The following KCNS3 variants were observed in gnomAD, a reference collection of about 807,000 sequenced individuals.
KCNS3 encodes potassium voltage-gated channel modifier subfamily S member 3.
Under a neutral mutation model 31.0 loss-of-function variants are expected in KCNS3, and 13 were observed. The observed-to-expected ratio is 0.42, with a 90% CI of 0.27 to 0.67. KCNS3 has a LOEUF of 0.67. Among genes scored for constraint, KCNS3 ranks in the 30% least tolerant of loss-of-function variants. The pLI, the probability that KCNS3 is intolerant of heterozygous loss-of-function variation, is 0.25. For synonymous variants in KCNS3, 238 were observed against 241.5 expected, an observed-to-expected ratio of 0.99 and a Z score of 0.13; for missense variants, 545 against 622.4, an observed-to-expected ratio of 0.88 and a Z score of 1.32.
chr2:17,879,916 G>C (rs1199879812), intron 1 of KCNS3, among the ~76,000 whole-genome samples: 1 of 152,140 alleles, frequency 6.6e-6, no homozygotes, highest in Non-Finnish European at 1.5e-5. Context: ...CGTTCCTGCC[G>C]GAGAGTAGCT....
In KCNS3 at chr2:17,917,885, T is replaced by C. The variant is rs557486496; in HGVS notation, c.-60+14T>C. 1.3e-4 allele frequency: 20 copies of C among 152,678 alleles called. No homozygotes were observed. The highest frequency in any genetic ancestry group is 2.6e-4 in the Non-Finnish European group (18 of 68,062). The allele number at this position is 152,678 out of a possible 1,614,324, so 9.5% of individuals were successfully genotyped here. ...TCCACCTCAAGGGTAAGAGTTGCCA[T>C]TCTATCTTATTTTCTCAAGCACCCA... On this transcript the variant is annotated intron_variant, in intron 2 of 2. Transcript: ENST00000304101.
chr2:17,888,637 A>ATCTATCTATC (rs1558446968), intron 1 of KCNS3, among the ~76,000 whole-genome samples: 2 of 70,748 alleles, frequency 2.8e-5, no homozygotes, highest in East Asian at 2.7e-4. Context: ...ATGTATATAT[A>ATCTATCTATC]TATATATATA....
intron 1 of KCNS3, among the ~76,000 whole-genome samples, chr2:17,883,412 G>A (rs1266576260): frequency 6.7e-6 from 1 of 148,420 alleles, no homozygotes; most frequent in East Asian, 2.0e-4. Context: ...GGGGTGGGGT[G>A]GGGTGAGAAG....
At chr2:17,922,256 TATCAGCCATTGATTATCATTGCCTAG>T (rs1467561629) in intron 2 of KCNS3, among the ~76,000 whole-genome samples, 3 of 152,030 alleles carry the variant, frequency 2.0e-5, no homozygotes, top group Non-Finnish European at 4.4e-5. Flanking sequence ...ATCCGGATTT[TATCAGCCATTGATTATCATTGCCTAG>T]ATCTATTATT....
Position 17,931,590 on chromosome 2 carries a change from G to A in KCNS3, c.582G>A (p.Val194=). 2 of 1,614,178 alleles carry A rather than the reference G, an allele frequency of 1.2e-6. No individual in the cohort carries two copies. Among genetic ancestry groups the A allele is most frequent in the Non-Finnish European group, 1.7e-6 (2 of 1,180,022 alleles). Residue 194 remains valine, a synonymous_variant, in exon 3 of 3, where the codon GTG becomes GTA. Coordinates refer to ENST00000304101, the MANE Select transcript of KCNS3 (RefSeq NM_002252.5). This position sits in a 1 kb window ranked among gnomAD's most constrained non-coding sequence, Gnocchi z 5.4. ...TTATCGCTATCTCCTCCTTGAGCGT[G>A]GTGCTGGCCTCCATCGTGGCCATGT... is the stretch of plus-strand genomic sequence containing the variant. ...AKLIAISSLS[V]VLASIVAMCV...
chr2:17,911,155 G>A (rs1019353331), intron 1 of KCNS3, among the ~76,000 whole-genome samples: 15 of 152,062 alleles, frequency 9.9e-5, no homozygotes, highest in African/African-American at 3.1e-4. Flanking sequence ...CCTCAATACC[G>A]TCTCTGTACC....
At chr2:17,891,309 A>G (rs908166974) in intron 1 of KCNS3, among the ~76,000 whole-genome samples, 1 of 152,208 alleles carries the variant, frequency 6.6e-6, no homozygotes, top group Non-Finnish European at 1.5e-5. Context: ...CTTATGTGTT[A>G]GGTGAGTCTC....
intron 1 of KCNS3, among the ~76,000 whole-genome samples, chr2:17,900,540 A>G (rs1406739934): frequency 6.6e-6 from 1 of 152,014 alleles, no homozygotes; most frequent in Non-Finnish European, 1.5e-5. Context: ...CCCAGGCTGG[A>G]GTGCAGTGAC....
chr2:17,918,675 G>C (rs1235775682), intron 2 of KCNS3, among the ~76,000 whole-genome samples: 2 of 152,196 alleles, frequency 1.3e-5, no homozygotes, highest in African/African-American at 4.8e-5. Flanking sequence ...AGCATAAGGG[G>C]CTATAGCTGT....
chr2:17,931,357 T>C lies in KCNS3; in HGVS notation c.349T>C (p.Cys117Arg). 6.2e-7 allele frequency: 1 copy of C among 1,614,168 alleles called. No individual in the cohort carries two copies. Among genetic ancestry groups the C allele is most frequent in the Non-Finnish European group, 8.5e-7 (1 of 1,180,026 alleles). The change falls in exon 3 of 3, where the codon TGC becomes CGC. Residue 117 changes from cysteine to arginine, a missense_variant. By Grantham distance (180) the Cys-to-Arg change is radical (BLOSUM62 -3). Transcript: ENST00000304101. This position sits in a 1 kb window ranked among gnomAD's most constrained non-coding sequence, Gnocchi z 5.4. Reference sequence around the variant, plus strand: ...CAACGAGCTCTTCATTGATTCTTGCTGCAGCAATCGCTACCAGGAACGCAA... The same window carrying C: ...CAACGAGCTCTTCATTGATTCTTGCCGCAGCAATCGCTACCAGGAACGCAA... ...GINELFIDSC[C>R]SNRYQERKEE...
chr2:17,903,744 G>A (rs984878561), intron 1 of KCNS3, among the ~76,000 whole-genome samples: 10 of 152,090 alleles, frequency 6.6e-5, no homozygotes, highest in African/African-American at 2.4e-4. Flanking sequence ...TGCTGAGAAT[G>A]ATGGTTTCCA....
chr2:17,924,961 A>G (rs1176055169), intron 2 of KCNS3, among the ~76,000 whole-genome samples: 2 of 152,262 alleles, frequency 1.3e-5, no homozygotes, highest in African/African-American at 4.8e-5. Context: ...CTATCTGTAC[A>G]TGAGCTTTCC....
chr2:17,887,484 GATCTATCTATCTATCTATCT>G (rs55654719), intron 1 of KCNS3, among the ~76,000 whole-genome samples: 1 of 146,242 alleles, frequency 6.8e-6, no homozygotes, highest in Non-Finnish European at 1.5e-5. Context: ...TCTATCATAT[GATCTATCTATCTATCTATCT>G]ATCTATCTAT....
intron 2 of KCNS3, among the ~76,000 whole-genome samples, chr2:17,918,814 G>A (rs1046433448): frequency 2.0e-5 from 3 of 152,202 alleles, no homozygotes; most frequent in East Asian, 3.9e-4. Flanking sequence ...TAAAATCAAG[G>A]TGTACACAAA....
At chr2:17,925,115 G>A (rs922513854) in intron 2 of KCNS3, among the ~76,000 whole-genome samples, 1 of 152,044 alleles carries the variant, frequency 6.6e-6, no homozygotes, top group Non-Finnish European at 1.5e-5. Flanking sequence ...AAGCCCTCTT[G>A]ACTATCTGAA....
chr2:17,899,901 T>G (rs766878841), intron 1 of KCNS3, among the ~76,000 whole-genome samples: 3 of 152,104 alleles, frequency 2.0e-5, no homozygotes, highest in Admixed American at 1.3e-4. Context: ...AAACACTCAT[T>G]TAGGGAGATA....
At chr2:17,915,928 G>A (rs988604457) in intron 1 of KCNS3, among the ~76,000 whole-genome samples, 2 of 152,106 alleles carry the variant, frequency 1.3e-5, no homozygotes, top group African/African-American at 4.8e-5. Flanking sequence ...GGGACAGCCT[G>A]GGATGTCATT....
chr2:17,931,000 G>C lies in KCNS3; in HGVS notation c.-9G>C. 6.2e-7 allele frequency: 1 copy of C among 1,610,172 alleles called. No homozygotes were observed. Among genetic ancestry groups the C allele is most frequent in the Non-Finnish European group, 8.5e-7 (1 of 1,177,712 alleles). On this transcript the variant is annotated 5_prime_UTR_variant, in exon 3 of 3. Coordinates refer to ENST00000304101, the MANE Select transcript of KCNS3 (RefSeq NM_002252.5). ...CTTGCCAGCCAGCACTCTGCCTTCT[G>C]TATCCACCATGGTGTTTGGTGAGTT... is the stretch of plus-strand genomic sequence containing the variant.
Position 17,931,529 on chromosome 2 carries a change from G to C in KCNS3, c.521G>C (p.Arg174Thr), listed in dbSNP as rs1033391740. ...CAGCTCCGGAAGAAAATCTGGATTA[G>C]AATGGAGAATCCAGCGTACTGCCTG... ...FGQLRKKIWI[R>T]MENPAYCLSA... Residue 174 changes from arginine (R) to threonine (T), a missense_variant, in exon 3 of 3, where the codon AGA becomes ACA. Coordinates refer to ENST00000304101, the MANE Select transcript of KCNS3 (RefSeq NM_002252.5). The surrounding 1 kb of genome is among the most constrained non-coding windows in gnomAD (Gnocchi z 5.4). 6.2e-6 allele frequency: 10 copies of C among 1,614,178 alleles called. No individual in the cohort carries two copies. The highest frequency in any genetic ancestry group is 6.8e-6 in the Non-Finnish European group (8 of 1,180,024).
Sources: gnomAD v4.1 joint callset for allele counts (sites outside exome capture counted in the v4.1 genomes callset) on GRCh38, gnomAD v4.1.1 for gene constraint, Gnocchi (gnomAD v3.1) non-coding constraint, MANE v1.5 for transcripts, NCBI Gene and HGNC (gene_info 2026-07-23, HGNC 2026-07-21) for gene names.